The following VPS13B variants were observed in gnomAD, a reference collection of about 807,000 sequenced individuals.
VPS13B encodes the protein intermembrane lipid transfer protein VPS13B.
In VPS13B, 285 loss-of-function variants were observed where a neutral mutation model predicts 426.4. The observed-to-expected ratio is 0.67, with a 90% CI of 0.61 to 0.74. The LOEUF (loss-of-function observed/expected upper bound fraction) is 0.74. VPS13B is among the 30% of genes least tolerant of loss of function. The probability of loss-of-function intolerance (pLI) is 0.00; values close to 1 mark genes in which losing one functional copy is unlikely to be tolerated. For missense variants in VPS13B, 4,537 were observed against 4,782.6 expected, an observed-to-expected ratio of 0.95 and a Z score of 1.51; for synonymous variants, 1,676 against 1,676.4, an observed-to-expected ratio of 1.00 and a Z score of 0.01.
chr8:99,115,199 C>G (rs1847592319), intron 6 of VPS13B, among the ~76,000 whole-genome samples: 2 of 152,016 alleles, frequency 1.3e-5, no homozygotes, highest in Non-Finnish European at 2.9e-5. Flanking sequence ...AGTTGTAATA[C>G]TAGTCTTTTC....
chr8:99,166,392 T>G (rs1202048228), intron 15 of VPS13B, among the ~76,000 whole-genome samples: 1 of 152,206 alleles, frequency 6.6e-6, no homozygotes, highest in East Asian at 1.9e-4. Flanking sequence ...ATTATAAATG[T>G]TTATGTGTAA....
intron 56 of VPS13B, among the ~76,000 whole-genome samples, chr8:99,856,338 C>T (rs1229840163): frequency 6.6e-6 from 1 of 152,194 alleles, no homozygotes; most frequent in East Asian, 1.9e-4. Context: ...TGAAAGAAAG[C>T]AGTGATTGAA....
At chr8:99,550,750 G>T (rs921647332) in intron 30 of VPS13B, among the ~76,000 whole-genome samples, 22 of 151,936 alleles carry the variant, frequency 1.4e-4, no homozygotes, top group Admixed American at 1.2e-3. Context: ...CATAACATTT[G>T]CTTTTAAGTA....
intron 28 of VPS13B, among the ~76,000 whole-genome samples, chr8:99,508,262 C>A (rs1255379827): frequency 2.6e-5 from 4 of 151,802 alleles, no homozygotes; most frequent in Non-Finnish European, 5.9e-5. Context: ...AATTTTTTTT[C>A]TATTATTATG....
intron 39 of VPS13B, among the ~76,000 whole-genome samples, chr8:99,758,138 C>T (rs1810738023): frequency 6.6e-6 from 1 of 152,134 alleles, no homozygotes; most frequent in Admixed American, 6.5e-5. Flanking sequence ...AAACTAAAAG[C>T]ACATAATAAA....
intron 3 of VPS13B, among the ~76,000 whole-genome samples, chr8:99,048,808 C>G (rs1843366215): frequency 9.3e-6 from 1 of 108,068 alleles, no homozygotes; most frequent in Non-Finnish European, 2.0e-5. Context: ...GAGCAAAACT[C>G]TGTCTCAAAA....
chr8:99,085,899 C>G (rs1186425036), intron 3 of VPS13B, among the ~76,000 whole-genome samples: 1 of 152,166 alleles, frequency 6.6e-6, no homozygotes, highest in Non-Finnish European at 1.5e-5. Context: ...TTCATTTCAA[C>G]TTTGGTGAAT....
chr8:99,272,791 T>C (rs550158213), intron 17 of VPS13B, among the ~76,000 whole-genome samples: 16 of 152,324 alleles, frequency 1.1e-4, no homozygotes, highest in African/African-American at 3.6e-4. Flanking sequence ...TTTTTATCTA[T>C]ACAGAGCATG....
At chr8:99,395,518 A>G (rs931730131) in intron 21 of VPS13B, among the ~76,000 whole-genome samples, 4 of 152,192 alleles carry the variant, frequency 2.6e-5, no homozygotes, top group Admixed American at 6.5e-5. Flanking sequence ...GGGCTAAACT[A>G]TCTATAGAGT....
intron 35 of VPS13B, among the ~76,000 whole-genome samples, chr8:99,683,212 A>T (rs1458834076): frequency 6.6e-6 from 1 of 152,200 alleles, no homozygotes; most frequent in Non-Finnish European, 1.5e-5. Context: ...ACTGAGGTAC[A>T]TATACCCTCT....
chr8:99,725,135 T>G (rs1833288618), intron 39 of VPS13B, among the ~76,000 whole-genome samples: 1 of 152,250 alleles, frequency 6.6e-6, no homozygotes, highest in Non-Finnish European at 1.5e-5. Flanking sequence ...TCTGAAATCT[T>G]GTAGCACTTC....
chr8:99,466,888 A>G (rs1036776788), intron 23 of VPS13B, among the ~76,000 whole-genome samples: 1 of 152,168 alleles, frequency 6.6e-6, no homozygotes, highest in Non-Finnish European at 1.5e-5. Context: ...GGCAAGATCT[A>G]TGGTCATTTT....
chr8:99,515,118 G>C (rs1821987191), intron 29 of VPS13B, among the ~76,000 whole-genome samples: 1 of 152,088 alleles, frequency 6.6e-6, no homozygotes, highest in Admixed American at 6.6e-5. Flanking sequence ...TGATATGTTT[G>C]TGACAAAAAG....
At chr8:99,559,608 T>A (rs1824784326) in intron 31 of VPS13B, among the ~76,000 whole-genome samples, 1 of 152,234 alleles carries the variant, frequency 6.6e-6, no homozygotes, top group Non-Finnish European at 1.5e-5. Context: ...GGGATTGAGT[T>A]TCAGCTTTCT....
chr8:99,840,040 A>G (rs1815601986), intron 54 of VPS13B, among the ~76,000 whole-genome samples: 1 of 152,220 alleles, frequency 6.6e-6, no homozygotes, highest in South Asian at 2.1e-4. Flanking sequence ...TCATTCCTTC[A>G]GTAAATGCAA....
intron 3 of VPS13B, among the ~76,000 whole-genome samples, chr8:99,064,309 T>C (rs6992480): frequency 0.83 from 125,655 of 152,092 alleles, 52,425 homozygotes; most frequent in South Asian, 0.89. Context: ...CAAAATTCTC[T>C]GAGCTAAAGG....
intron 2 of VPS13B, among the ~76,000 whole-genome samples, chr8:99,016,811 C>T (rs928857577): frequency 1.3e-5 from 2 of 151,906 alleles, no homozygotes; most frequent in Non-Finnish European, 2.9e-5. Flanking sequence ...AGGATGGTCT[C>T]GATTCCCTGA....
intron 18 of VPS13B, 56 bp downstream of exon 18, chr8:99,274,388 G>A: frequency 6.2e-7 from 1 of 1,613,142 alleles, no homozygotes; most frequent in African/African-American, 1.3e-5. Flanking sequence ...AATTGGCCTT[G>A]CGTTTTACAA....
intron 36 of VPS13B, among the ~76,000 whole-genome samples, chr8:99,706,978 G>A (rs1011619345): frequency 6.6e-6 from 1 of 152,128 alleles, no homozygotes; most frequent in Non-Finnish European, 1.5e-5. Context: ...TTCTAGCAAA[G>A]CAACCCTGAG....
Sources: gnomAD v4.1 joint callset for allele counts (sites outside exome capture counted in the v4.1 genomes callset) on GRCh38, gnomAD v4.1.1 for gene constraint, MANE v1.5 for transcripts, NCBI Gene and HGNC (gene_info 2026-07-23, HGNC 2026-07-21) for gene names.